TMPRSS4: variants seen among roughly 807,000 people sequenced by gnomAD.
The protein encoded by TMPRSS4 is transmembrane serine protease 4.
TMPRSS4 carries 45 observed loss-of-function variants against 56.4 expected under a neutral mutation model. The ratio of observed to expected loss-of-function variants is 0.80; its 90% CI spans 0.63 to 1.02. The LOEUF (loss-of-function observed/expected upper bound fraction) is 1.02. Ranked by LOEUF, TMPRSS4 falls within the 50% of genes least tolerant of loss-of-function variation. TMPRSS4 has a pLI of 0.00. For synonymous variants in TMPRSS4, 205 were observed against 211.0 expected (o/e 0.97, Z 0.25); for missense variants, 546 against 556.7 (o/e 0.98, Z 0.19).
chr11:118,089,937 C>T (rs775524712), intron 1 of TMPRSS4, among the ~76,000 whole-genome samples: 2 of 152,188 alleles, frequency 1.3e-5, no homozygotes, highest in Non-Finnish European at 2.9e-5. Flanking sequence ...CCTCCCCTCC[C>T]GGGTTCAAGG....
At chr11:118,111,270 A>T (rs1448066527) in intron 7 of TMPRSS4, among the ~76,000 whole-genome samples, 3 of 152,176 alleles carry the variant, frequency 2.0e-5, no homozygotes, top group African/African-American at 7.2e-5. Context: ...TCAGATTGAG[A>T]GACTCCCCTG....
At chr11:118,104,910 A>T in intron 5 of TMPRSS4, 90 bp downstream of exon 5, 1 of 1,377,190 alleles carries the variant, frequency 7.3e-7, no homozygotes. Flanking sequence ...CTTTCCTAAA[A>T]ATTACGGGCA....
Position 118,119,361 on chromosome 11 carries a change from C to A in TMPRSS4, c.*1448C>A. On this transcript the variant is annotated 3_prime_UTR_variant, in exon 13 of 13. Transcript: ENST00000437212. Reference sequence around the variant, plus strand: ...AATGTGGTCTCAAATTGCAGATGGTCTGGAGGAAAATTTCCCAAATTTAGA... The same window carrying A: ...AATGTGGTCTCAAATTGCAGATGGTATGGAGGAAAATTTCCCAAATTTAGA... 4.1e-6 allele frequency: 4 copies of A among 985,328 alleles called. No individual in the cohort carries two copies. Among genetic ancestry groups the A allele is most frequent in the Non-Finnish European group, 4.8e-6 (4 of 829,904 alleles). 61.0% of individuals were successfully genotyped at this position (985,328 alleles called of 1,614,324 possible).
chr11:118,082,737 G>A (rs1945242062), intron 1 of TMPRSS4, among the ~76,000 whole-genome samples: 1 of 152,076 alleles, frequency 6.6e-6, no homozygotes, highest in South Asian at 2.1e-4. Flanking sequence ...CAAATTACCA[G>A]GAGACCATTA....
chr11:118,102,935 A>G (rs1030816154), intron 3 of TMPRSS4, 166 bp from the exon 4 acceptor site: 23 of 811,134 alleles, frequency 2.8e-5, no homozygotes, highest in South Asian at 2.7e-4. Flanking sequence ...CAGACAAGGA[A>G]GCTGAGGCTC....
At chr11:118,106,303 A>G (rs778629630) in intron 5 of TMPRSS4, 1 of 152,218 alleles carries the variant, frequency 6.6e-6, no homozygotes, top group Non-Finnish European at 1.5e-5. Context: ...AGAATCATTC[A>G]TTGGGATGGA....
Position 118,118,930 on chromosome 11 carries a change from G to A in TMPRSS4, c.*1017G>A, listed in dbSNP as rs1229197072. 2 of 985,288 alleles carry A rather than the reference G, an allele frequency of 2.0e-6. No individual in the cohort carries two copies. Among genetic ancestry groups the A allele is most frequent in the East Asian group, 1.1e-4 (1 of 8,828 alleles). 61.0% of individuals were successfully genotyped at this position (985,288 alleles called of 1,614,324 possible). A position where few individuals can be genotyped will look rare whatever the true frequency, so the allele number is the denominator to read the frequency against. ...GGCAGTCCCCAAGCTGAGTTGTGAG[G>A]ATGTAAGCATGAATAAGTCCCTGCA... is the stretch of plus-strand genomic sequence containing the variant. On this transcript the variant is annotated 3_prime_UTR_variant, in exon 13 of 13. Coordinates refer to ENST00000437212, the MANE Select transcript of TMPRSS4 (RefSeq NM_019894.4).
intron 9 of TMPRSS4, among the ~76,000 whole-genome samples, chr11:118,113,863 C>A (rs935385570): frequency 1.8e-4 from 27 of 152,202 alleles, no homozygotes; most frequent in African/African-American, 6.0e-4. Context: ...TGTGAGGCAG[C>A]CCACAGAGTC....
rs769547544 is a variant in TMPRSS4 at position 118,104,834 on chromosome 11, G to A, written c.440+14G>A. The A allele has an allele frequency of 8.3e-6, 13 of 1,558,138 alleles. No individual in the cohort carries two copies. Among genetic ancestry groups the A allele is most frequent in the African/African-American group, 2.8e-5 (2 of 72,274 alleles). The stretch of plus-strand genomic sequence containing the variant: ...GGGCTACAGCAGGTAACCAACCTGG[G>A]CCTCTCTCCTTTTTCCCTCCTTCCT... On this transcript the variant is annotated intron_variant, in intron 5 of 12. Coordinates refer to ENST00000437212, the MANE Select transcript of TMPRSS4 (RefSeq NM_019894.4).
In TMPRSS4 at chr11:118,113,318, C is replaced by T. The variant is rs1432798105; in HGVS notation, c.793C>T (p.Leu265=). The T allele has an allele frequency of 1.2e-6, 2 of 1,614,026 alleles. No homozygotes were observed. Among genetic ancestry groups the T allele is most frequent in the Admixed American group, 1.7e-5 (1 of 60,006 alleles). The change falls in exon 9 of 13, where the codon CTG becomes TTG. Residue 265 remains leucine (L), a synonymous_variant. Transcript: ENST00000437212. ...NWKVRAGSDK[L]GSFPSLAVAK... ...GAAGGTGCGGGCAGGCTCAGACAAA[C>T]TGGGCAGCTTCCCATCCCTGGCTGT...
chr11:118,107,487 C>A, intron 5 of TMPRSS4: 1 of 287,440 alleles, frequency 3.5e-6, no homozygotes, highest in Admixed American at 4.8e-5. Context: ...AAGGAGACCC[C>A]TAACATTTCT....
At chr11:118,116,523 T>C (rs1371133670) in intron 11 of TMPRSS4, among the ~76,000 whole-genome samples, 2 of 152,176 alleles carry the variant, frequency 1.3e-5, no homozygotes, top group Non-Finnish European at 2.9e-5. Context: ...CTATCTGGCA[T>C]TTTCTTGTTT....
chr11:118,094,697 G>T (rs1946187941), intron 1 of TMPRSS4, 119 bp from the exon 2 acceptor site: 1 of 827,722 alleles, frequency 1.2e-6, no homozygotes, highest in African/African-American at 1.7e-5. Flanking sequence ...ATAACACAGA[G>T]ACCCCCAACG....
chr11:118,091,302 C>A (rs1250008334), intron 1 of TMPRSS4, among the ~76,000 whole-genome samples: 4 of 152,184 alleles, frequency 2.6e-5, no homozygotes, highest in African/African-American at 9.7e-5. Flanking sequence ...TCCAACCCCC[C>A]AAGCTTGTTC....
At chr11:118,112,764 T>G (rs12292105) in intron 8 of TMPRSS4, among the ~76,000 whole-genome samples, 10,784 of 151,394 alleles carry the variant, frequency 0.071, 1,031 homozygotes, top group African/African-American at 0.22. Context: ...GCGCCCAAGT[T>G]CATTAGACCC....
chr11:118,090,804 TCACACA>T (rs891098948), intron 1 of TMPRSS4, among the ~76,000 whole-genome samples: 14 of 142,650 alleles, frequency 9.8e-5, no homozygotes, highest in Admixed American at 3.5e-4. Context: ...TCTCACTCTG[TCACACA>T]CACACACACA....
intron 1 of TMPRSS4, among the ~76,000 whole-genome samples, chr11:118,081,385 C>T (rs1945118305): frequency 6.6e-6 from 1 of 152,202 alleles, no homozygotes. Context: ...CGTCTAACGC[C>T]ACCTCCCAGC....
intron 1 of TMPRSS4, among the ~76,000 whole-genome samples, chr11:118,090,849 A>AC (rs1945900670): frequency 6.8e-6 from 1 of 147,874 alleles, no homozygotes; most frequent in Non-Finnish European, 1.5e-5. Flanking sequence ...CACACACACA[A>AC]AATTAGCCAC....
In TMPRSS4 at chr11:118,118,054, A is replaced by G; in HGVS notation, c.*141A>G. 1 of 1,535,136 alleles carries G rather than the reference A, an allele frequency of 6.5e-7. No individual in the cohort carries two copies. Among genetic ancestry groups the G allele is most frequent in the Non-Finnish European group, 8.7e-7 (1 of 1,146,760 alleles). On this transcript the variant is annotated 3_prime_UTR_variant, in exon 13 of 13. Coordinates refer to ENST00000437212, the MANE Select transcript of TMPRSS4 (RefSeq NM_019894.4). ...GCCTCAGCATTTCTTGGAGCAGCAA[A>G]GGGCCTCAATTCCTATAAGAGACCC...
Sources: gnomAD v4.1 joint callset for allele counts (sites outside exome capture counted in the v4.1 genomes callset) on GRCh38, gnomAD v4.1.1 for gene constraint, MANE v1.5 for transcripts, NCBI Gene and HGNC (gene_info 2026-07-23, HGNC 2026-07-21) for gene names.